Variants in VWA5B1 observed in about 807,000 individuals in gnomAD.
The protein encoded by VWA5B1 is von Willebrand factor A domain containing 5B1, also known as von Willebrand factor A domain-containing protein 5B1.
In VWA5B1, 115 loss-of-function variants were observed where a neutral mutation model predicts 118.2. That is an observed-to-expected ratio of 0.97 (90% CI 0.84 to 1.14). The LOEUF (loss-of-function observed/expected upper bound fraction) is 1.14. VWA5B1 is among the 50% of genes most tolerant of loss of function. The pLI is 0.00. For synonymous variants in VWA5B1, 682 were observed against 658.4 expected (o/e 1.04, Z -0.55); for missense variants, 1,596 against 1,603.8 (o/e 1.00, Z 0.08).
chr1:20,342,739 C>A, intron 15 of VWA5B1, 130 bp downstream of exon 15: 1 of 1,212,608 alleles, frequency 8.2e-7, no homozygotes, highest in Non-Finnish European at 1.1e-6. Flanking sequence ...GCGGCTCACC[C>A]CTCTCTGAGG....
intron 16 of VWA5B1, among the ~76,000 whole-genome samples, chr1:20,345,145 C>A (rs1334365466): frequency 1.3e-5 from 2 of 152,198 alleles, no homozygotes; most frequent in East Asian, 3.8e-4. Context: ...ATACAGACAA[C>A]ATAGTGGGTT....
intron 14 of VWA5B1, among the ~76,000 whole-genome samples, chr1:20,342,149 G>T (rs1415348257): frequency 6.7e-6 from 1 of 149,202 alleles, no homozygotes. Context: ...AAAAAAGTGG[G>T]TTTGGAATTA....
In VWA5B1 at chr1:20,353,806, G is replaced by T. The variant is rs773094464; in HGVS notation, c.3191G>T (p.Cys1064Phe). The T allele has an allele frequency of 6.7e-7, 1 of 1,481,740 alleles. No homozygotes were observed. The highest frequency in any genetic ancestry group is 9.0e-7 in the Non-Finnish European group (1 of 1,113,584). 91.8% of individuals were successfully genotyped at this position (1,481,740 alleles called of 1,614,324 possible). ...GCCTTCCTGCTCAACGAAGCCTTCT[G>T]TGAGGCCACGCACATCCCCATGGAG... is the stretch of plus-strand genomic sequence containing the variant. ...SGAFLLNEAF[C>F]EATHIPMEKL... is the part of the protein sequence containing the mutation. The change falls in exon 22 of 22, where the codon TGT (cysteine) becomes TTT (phenylalanine). Residue 1064 changes from cysteine to phenylalanine, a missense_variant. Transcript: ENST00000289815.
chr1:20,345,354 A>G, intron 16 of VWA5B1, 102 bp from the exon 17 acceptor site: 1 of 1,484,280 alleles, frequency 6.7e-7, no homozygotes, highest in Non-Finnish European at 9.1e-7. Flanking sequence ...AATCCCAAAG[A>G]TGGGGACCAC....
intron 1 of VWA5B1, among the ~76,000 whole-genome samples, chr1:20,309,707 T>C (rs760811133): frequency 7.2e-5 from 11 of 152,138 alleles, no homozygotes; most frequent in South Asian, 6.2e-4. Context: ...GTCCAGTTTA[T>C]GTGTCCAGAA....
chr1:20,353,039 A>T (rs230181), intron 21 of VWA5B1, among the ~76,000 whole-genome samples: 16,065 of 152,090 alleles, frequency 0.11, 1,030 homozygotes, highest in African/African-American at 0.17. Context: ...GGACATCTAG[A>T]CCAGGCTTGA....
At chr1:20,347,264 G>T (rs1181362297) in intron 17 of VWA5B1, among the ~76,000 whole-genome samples, 1 of 152,210 alleles carries the variant, frequency 6.6e-6, no homozygotes, top group Non-Finnish European at 1.5e-5. Context: ...ACTTCTCAGA[G>T]CATTTTGTAT....
At chr1:20,319,137 C>T (rs1246009124) in intron 6 of VWA5B1, among the ~76,000 whole-genome samples, 1 of 152,184 alleles carries the variant, frequency 6.6e-6, no homozygotes, top group Non-Finnish European at 1.5e-5. Context: ...ATCCTACTAC[C>T]GTTTTACAGA....
At chr1:20,300,287 A>C (rs1325371289) in intron 1 of VWA5B1, among the ~76,000 whole-genome samples, 2 of 152,186 alleles carry the variant, frequency 1.3e-5, no homozygotes, top group South Asian at 4.1e-4. Context: ...GGCGGGGTGC[A>C]TGAGGAATGA....
chr1:20,308,348 T>C (rs867439815), intron 1 of VWA5B1, among the ~76,000 whole-genome samples: 6 of 152,218 alleles, frequency 3.9e-5, no homozygotes, highest in Non-Finnish European at 8.8e-5. Flanking sequence ...TTGGGTAAGA[T>C]GCCTTCGGCA....
intron 16 of VWA5B1, among the ~76,000 whole-genome samples, chr1:20,345,006 C>A (rs1192955425): frequency 6.6e-6 from 1 of 152,202 alleles, no homozygotes; most frequent in Admixed American, 6.5e-5. Context: ...CAGCTCACCA[C>A]TCTCCTCTGA....
Position 20,319,365 on chromosome 1 carries a change from C to T in VWA5B1, c.842-17C>T, listed in dbSNP as rs1218567686. 9.7e-6 allele frequency: 15 copies of T among 1,550,794 alleles called. No homozygotes were observed. Among genetic ancestry groups the T allele is most frequent in the East Asian group, 7.3e-5 (3 of 40,882 alleles). ...CGATACCTGGCCAAGTGCTGAAAGT[C>T]GATCTCATCTCTGCAGAGCCCCATA... On this transcript the variant is annotated splice_polypyrimidine_tract_variant and intron_variant, in intron 6 of 21. Coordinates refer to ENST00000289815, the MANE Select transcript of VWA5B1 (RefSeq NM_001039500.3).
intron 8 of VWA5B1, among the ~76,000 whole-genome samples, chr1:20,325,756 T>C (rs2089360942): frequency 6.6e-6 from 1 of 152,194 alleles, no homozygotes; most frequent in African/African-American, 2.4e-5. Flanking sequence ...ATTGGTGCCA[T>C]CCATTCTGCT....
Position 20,312,900 on chromosome 1 carries a change from C to T in VWA5B1, c.204C>T (p.Asp68=), listed in dbSNP as rs1178501100. 1.3e-6 allele frequency: 2 copies of T among 1,551,574 alleles called. No homozygotes were observed. The change falls in exon 3 of 22, where the codon GAC becomes GAT. Residue 68 remains aspartate, a synonymous_variant. Transcript: ENST00000289815. ...TCGGCTTTGAGGCAGTCATTGCCGA[C>T]CGTGTCGTGACAGTACAGATCAAGG... ...TVIGFEAVIA[D]RVVTVQIKDK... is the part of the protein sequence containing the mutation.
At chr1:20,346,759 G>A (rs1171127968) in intron 17 of VWA5B1, among the ~76,000 whole-genome samples, 1 of 151,956 alleles carries the variant, frequency 6.6e-6, no homozygotes, top group Non-Finnish European at 1.5e-5. Context: ...TGCTTTTTTT[G>A]TTTCAAATTA....
At chr1:20,349,188 T>C (rs1448815944) in intron 18 of VWA5B1, 2 of 448,084 alleles carry the variant, frequency 4.5e-6, no homozygotes, top group Non-Finnish European at 9.0e-6. Flanking sequence ...AGAGGAGCTC[T>C]TCAGAATCAA....
chr1:20,336,442 C>G lies in VWA5B1; in HGVS notation c.1898C>G (p.Ala633Gly). The stretch of plus-strand genomic sequence containing the variant: ...GGGGCACCCTTCATCCTAGGGCAGG[C>G]CAAAAATGCCCGGCTAGCCAGCGGA... The part of the protein sequence containing the change: ...NSGAPFILGQ[A>G]KNARLASGDS... The change falls in exon 13 of 22, where the codon GCC (alanine) becomes GGC (glycine). Residue 633 changes from alanine to glycine, a missense_variant. By Grantham distance (60) the Ala-to-Gly change is moderately conservative. Transcript: ENST00000289815. 1 of 1,490,172 alleles carries G rather than the reference C, an allele frequency of 6.7e-7. No individual in the cohort carries two copies. Among genetic ancestry groups the G allele is most frequent in the South Asian group, 1.4e-5 (1 of 71,808 alleles). 92.3% of individuals were successfully genotyped at this position (1,490,172 alleles called of 1,614,324 possible).
chr1:20,359,515 C>T lies in VWA5B1; in HGVS notation c.*5252C>T, dbSNP rs1557466025. On this transcript the variant is annotated 3_prime_UTR_variant, in exon 22 of 22. Transcript: ENST00000289815. Reference sequence around the variant, plus strand: ...TTTGAGCTGATAAAAATTGTTGAACCTGATCATATGACAAAGTTATACTTG... The same window carrying T: ...TTTGAGCTGATAAAAATTGTTGAACTTGATCATATGACAAAGTTATACTTG... Among the ~76,000 whole-genome samples the T allele has an allele frequency of 6.6e-6, 1 of 152,148 alleles. No individual in the cohort carries two copies. The highest frequency in any genetic ancestry group is 2.4e-5 in the African/African-American group (1 of 41,426).
chr1:20,345,528 C>G lies in VWA5B1; in HGVS notation c.2699C>G (p.Ala900Gly), dbSNP rs752841229. 2.6e-5 allele frequency: 41 copies of G among 1,551,136 alleles called. No individual in the cohort carries two copies. The highest frequency in any genetic ancestry group is 1.4e-4 in the South Asian group (12 of 84,060). ...KACNIISKYT[A>G]FVPVDVSKSR... ...TGCAACATCATTAGCAAATACACAG[C>G]CTTCGTGCCTGTGGACGTGAGCAAG... The change falls in exon 17 of 22, where the codon GCC becomes GGC. Residue 900 changes from alanine to glycine, a missense_variant. Transcript: ENST00000289815.
Sources: gnomAD v4.1 joint callset for allele counts (sites outside exome capture counted in the v4.1 genomes callset) on GRCh38, gnomAD v4.1.1 for gene constraint, MANE v1.5 for transcripts, NCBI Gene and HGNC (gene_info 2026-07-23, HGNC 2026-07-21) for gene names.